The following FGF12 variants were observed in gnomAD, a reference collection of about 807,000 sequenced individuals.
FGF12 encodes the protein fibroblast growth factor 12B.
A neutral mutation model predicts 23.6 loss-of-function variants in FGF12; 14 were observed. That is an observed-to-expected ratio of 0.59 (90% CI 0.39 to 0.93). The LOEUF (loss-of-function observed/expected upper bound fraction) is 0.93. Among genes scored for constraint, FGF12 ranks in the 40% least tolerant of loss-of-function variants. The pLI, the probability that FGF12 is intolerant of heterozygous loss-of-function variation, is 0.00. For missense variants in FGF12, 175 were observed against 217.8 expected (o/e 0.80, Z 1.24); for synonymous variants, 62 against 77.3 (o/e 0.80, Z 1.04).
intron 2 of FGF12, among the ~76,000 whole-genome samples, chr3:192,721,635 G>A (rs75380616): frequency 0.018 from 2,771 of 152,118 alleles, 67 homozygotes; most frequent in African/African-American, 0.062. Flanking sequence ...AAACTTAAAA[G>A]CACAAAAGAA....
At chr3:192,294,765 T>A (rs991567377) in intron 4 of FGF12, among the ~76,000 whole-genome samples, 2 of 152,332 alleles carry the variant, frequency 1.3e-5, no homozygotes, top group East Asian at 3.9e-4. Context: ...AACAGCAATC[T>A]TCTAAATTGA....
At chr3:192,599,198 G>A (rs2701584) in intron 2 of FGF12, among the ~76,000 whole-genome samples, 49,718 of 150,638 alleles carry the variant, frequency 0.33, 8,528 homozygotes, top group African/African-American at 0.42. Context: ...ACCATGGCAC[G>A]TGTATACCTA....
chr3:192,585,702 A>G (rs1713346674), intron 2 of FGF12, among the ~76,000 whole-genome samples: 1 of 152,124 alleles, frequency 6.6e-6, no homozygotes, highest in Non-Finnish European at 1.5e-5. Flanking sequence ...GAGCCCCTCA[A>G]CACCCACAAC....
chr3:192,693,165 C>T (rs538397121), intron 2 of FGF12, among the ~76,000 whole-genome samples: 41 of 150,894 alleles, frequency 2.7e-4, no homozygotes, highest in Non-Finnish European at 5.3e-4. Flanking sequence ...AAAAAGAAAT[C>T]AAGAAAATAA....
chr3:192,159,976 G>A (rs1714775548), intron 5 of FGF12, among the ~76,000 whole-genome samples: 2 of 141,696 alleles, frequency 1.4e-5, no homozygotes, highest in South Asian at 2.2e-4. Context: ...GTGTGTGTGT[G>A]TGTACACATT....
chr3:192,430,630 C>T (rs1224900313), intron 2 of FGF12, among the ~76,000 whole-genome samples: 2 of 152,176 alleles, frequency 1.3e-5, no homozygotes, highest in Non-Finnish European at 1.5e-5. Flanking sequence ...ACACAATGTA[C>T]AAATATTTCT....
chr3:192,203,649 G>A (rs572868047), intron 4 of FGF12, among the ~76,000 whole-genome samples: 1 of 149,100 alleles, frequency 6.7e-6, no homozygotes, highest in Admixed American at 6.8e-5. Context: ...GCTCACTGCA[G>A]CCTTGACTTC....
intron 2 of FGF12, among the ~76,000 whole-genome samples, chr3:192,680,654 G>A (rs1717494302): frequency 6.6e-6 from 1 of 152,210 alleles, no homozygotes; most frequent in Non-Finnish European, 1.5e-5. Context: ...CAGACAAGCT[G>A]TGGTTCACAA....
chr3:192,408,226 C>T lies in FGF12; in HGVS notation c.14-47688G>A. The T allele has an allele frequency of 6.3e-7, 1 of 1,596,470 alleles. No individual in the cohort carries two copies. Among genetic ancestry groups the T allele is most frequent in the Middle Eastern group, 2.3e-4 (1 of 4,444 alleles). Reference sequence around the variant, plus strand: ...GAGCTGGCTATCGCCGCAGCCATAGCTGCTCAGCGAGGGCCTCAGGCCCCA... The same window carrying T: ...GAGCTGGCTATCGCCGCAGCCATAGTTGCTCAGCGAGGGCCTCAGGCCCCA... On this transcript the variant is annotated intron_variant, in intron 2 of 5. Transcript: ENST00000445105. The surrounding 1 kb of genome is among the most constrained non-coding windows in gnomAD (Gnocchi z 7.3).
chr3:192,495,403 G>A (rs1228921102), intron 2 of FGF12, among the ~76,000 whole-genome samples: 1 of 152,022 alleles, frequency 6.6e-6, no homozygotes, highest in Non-Finnish European at 1.5e-5. Flanking sequence ...ACATCATGCA[G>A]TATATAATTG....
At chr3:192,551,185 G>A (rs748958533) in intron 2 of FGF12, among the ~76,000 whole-genome samples, 14 of 152,294 alleles carry the variant, frequency 9.2e-5, no homozygotes, top group South Asian at 4.1e-4. Context: ...AGTTAACCCC[G>A]TATTAACTCC....
At chr3:192,410,007 C>T (rs1030205410) in intron 2 of FGF12, among the ~76,000 whole-genome samples, 3 of 152,060 alleles carry the variant, frequency 2.0e-5, no homozygotes, top group Non-Finnish European at 4.4e-5. Flanking sequence ...GCCGCCCCTC[C>T]GGCTGGCTCA....
chr3:192,615,412 C>T (rs1213165235), intron 2 of FGF12, among the ~76,000 whole-genome samples: 1 of 151,938 alleles, frequency 6.6e-6, no homozygotes, highest in Non-Finnish European at 1.5e-5. Flanking sequence ...GAATCATCTA[C>T]TAACAAATGA....
chr3:192,157,161 G>C (rs1256065963), intron 5 of FGF12, among the ~76,000 whole-genome samples: 1 of 152,158 alleles, frequency 6.6e-6, no homozygotes, highest in African/African-American at 2.4e-5. Flanking sequence ...ACCCTTGAAT[G>C]TCAGCAGAAT....
At chr3:192,414,432 C>A (rs1300262369) in intron 2 of FGF12, among the ~76,000 whole-genome samples, 1 of 152,110 alleles carries the variant, frequency 6.6e-6, no homozygotes, top group Non-Finnish European at 1.5e-5. Context: ...CTGTGCTATA[C>A]GCATGTCAAC....
intron 2 of FGF12, among the ~76,000 whole-genome samples, chr3:192,722,214 T>C (rs1178360505): frequency 6.6e-6 from 1 of 152,198 alleles, no homozygotes; most frequent in East Asian, 1.9e-4. Context: ...AGTAAGAAAC[T>C]GTATTTCCTA....
intron 2 of FGF12, among the ~76,000 whole-genome samples, chr3:192,657,709 T>C (rs189326995): frequency 6.6e-6 from 1 of 152,338 alleles, no homozygotes; most frequent in Admixed American, 6.5e-5. Context: ...CATTTGGCTA[T>C]AGTATAATGG....
intron 4 of FGF12, among the ~76,000 whole-genome samples, chr3:192,186,845 T>G (rs752406783): frequency 2.6e-5 from 4 of 152,228 alleles, no homozygotes; most frequent in African/African-American, 9.7e-5. Flanking sequence ...GCAGTTAGTA[T>G]TTGATTTTGG....
At chr3:192,373,846 G>A (rs549610922) in intron 2 of FGF12, among the ~76,000 whole-genome samples, 64 of 152,288 alleles carry the variant, frequency 4.2e-4, no homozygotes, top group Non-Finnish European at 7.6e-4. Flanking sequence ...TGATCTGACT[G>A]TAGACATGAT....
Sources: gnomAD v4.1 joint callset for allele counts (sites outside exome capture counted in the v4.1 genomes callset) on GRCh38, gnomAD v4.1.1 for gene constraint, Gnocchi (gnomAD v3.1) non-coding constraint, MANE v1.5 for transcripts, NCBI Gene and HGNC (gene_info 2026-07-23, HGNC 2026-07-21) for gene names.